CASZ1: variants seen among roughly 807,000 people sequenced by gnomAD.
CASZ1 encodes zinc finger protein castor homolog 1.
A neutral mutation model predicts 135.2 loss-of-function variants in CASZ1; 28 were observed. The observed-to-expected ratio is 0.21, with a 90% CI of 0.15 to 0.28. The LOEUF (loss-of-function observed/expected upper bound fraction) is 0.28, where lower values mean the gene tolerates loss of function less well. Ranked by LOEUF, CASZ1 falls within the 10% of genes least tolerant of loss-of-function variation. The pLI is 1.00. For missense variants in CASZ1, 2,161 were observed against 2,453.3 expected, an observed-to-expected ratio of 0.88 and a Z score of 2.52; for synonymous variants, 1,068 against 1,073.4, an observed-to-expected ratio of 0.99 and a Z score of 0.10.
chr1:10,777,113 T>A lies in CASZ1; in HGVS notation c.-233-16256A>T, dbSNP rs1340462903. 6.6e-6 allele frequency among the ~76,000 whole-genome samples: 1 copy of A among 152,066 alleles called. No homozygotes were observed. Among genetic ancestry groups the A allele is most frequent in the Non-Finnish European group, 1.5e-5 (1 of 67,998 alleles). On this transcript the variant is annotated intron_variant, in intron 1 of 20. Transcript: ENST00000377022. This position sits in a 1 kb window ranked among gnomAD's most constrained non-coding sequence, Gnocchi z 4.4. ...GTAGGGCCTGCGGCACGAAGCAACC[T>A]CCCTCTGGGCCTCAGTTTCCCCACC...
chr1:10,708,416 T>A (rs116460167), intron 2 of CASZ1, among the ~76,000 whole-genome samples: 200 of 152,238 alleles, frequency 1.3e-3, no homozygotes, highest in Middle Eastern at 6.8e-3. Flanking sequence ...ACACCAGCAA[T>A]GTCTTGGGTA....
chr1:10,760,520 C>T (rs1570569253), intron 2 of CASZ1, among the ~76,000 whole-genome samples, 181 bp downstream of exon 2: 1 of 152,384 alleles, frequency 6.6e-6, no homozygotes, highest in Admixed American at 6.5e-5. Flanking sequence ...CAGGCCAGAG[C>T]TTTCTTCTCC....
Position 10,756,333 on chromosome 1 carries a change from G to A in CASZ1, c.-77+4368C>T, listed in dbSNP as rs963644665. Among the ~76,000 whole-genome samples, 2 of 150,576 alleles carry A rather than the reference G, an allele frequency of 1.3e-5. No homozygotes were observed. Among genetic ancestry groups the A allele is most frequent in the African/African-American group, 2.4e-5 (1 of 40,978 alleles). On this transcript the variant is annotated intron_variant, in intron 2 of 20. Transcript: ENST00000377022. The surrounding 1 kb of genome is among the most constrained non-coding windows in gnomAD (Gnocchi z 5.9). The stretch of plus-strand genomic sequence containing the variant: ...ACCCTCGCCCCCGCAAGACATCACC[G>A]GCCCTCCCTTCCTGTCACCTCCATG...
chr1:10,713,590 A>T (rs1639325481), intron 2 of CASZ1, among the ~76,000 whole-genome samples: 1 of 152,200 alleles, frequency 6.6e-6, no homozygotes, highest in South Asian at 2.1e-4. Flanking sequence ...GCCATCCTGG[A>T]CTGGAGGCTC....
chr1:10,688,731 T>C (rs892053594), intron 4 of CASZ1, among the ~76,000 whole-genome samples: 2 of 152,128 alleles, frequency 1.3e-5, no homozygotes, highest in African/African-American at 4.8e-5. Context: ...GTCGAGGGTG[T>C]CAGGGTGCTG....
intron 2 of CASZ1, among the ~76,000 whole-genome samples, chr1:10,754,408 A>G (rs994262523): frequency 6.6e-6 from 1 of 152,158 alleles, no homozygotes; most frequent in Non-Finnish European, 1.5e-5. Context: ...GGAAATGGAA[A>G]ATGAATAGCC....
At chr1:10,729,923 C>T (rs982619099) in intron 2 of CASZ1, among the ~76,000 whole-genome samples, 2 of 151,770 alleles carry the variant, frequency 1.3e-5, no homozygotes, top group Non-Finnish European at 2.9e-5. Context: ...TTAAGCAATT[C>T]TCTGCCTTAG....
rs1008185298 is a variant in CASZ1, at chr1:10,667,977, TC to T, written c.17-2407del. ...CCCAGGCCCCTTTGCTCCTGCCGACTCCCCCGGCACCTGCCCTCCAGCTGCC... is the reference window on the plus strand; with the variant it reads ...CCCAGGCCCCTTTGCTCCTGCCGACTCCCCGGCACCTGCCCTCCAGCTGCC... On this transcript the variant is annotated intron_variant, in intron 4 of 20. Coordinates refer to ENST00000377022, the MANE Select transcript of CASZ1 (RefSeq NM_001079843.3). Among the ~76,000 whole-genome samples the T allele has an allele frequency of 4.0e-5, 6 of 151,666 alleles. No homozygotes were observed. The South Asian group carries it at 1.0e-3, about 26-fold the overall frequency.
intron 4 of CASZ1, among the ~76,000 whole-genome samples, chr1:10,680,476 C>A (rs1638378718): frequency 6.6e-6 from 1 of 152,196 alleles, no homozygotes. Context: ...ATATCCTGAG[C>A]AGCTACTGGC....
In CASZ1 at chr1:10,643,190, C is replaced by T; in HGVS notation, c.3990G>A (p.Gly1330=). ...AGGGGGGCACGCGGTCGAAGTTCTT[C>T]CCCAGCATCCTCCGCATGTGCTTCC... ...HARKHMRRML[G]KNFDRVPPSQ... is the part of the protein sequence containing the mutation. Residue 1330 remains glycine, a synonymous_variant, in exon 19 of 21, where the codon GGG becomes GGA. Transcript: ENST00000377022. 1 of 1,612,218 alleles carries T rather than the reference C, an allele frequency of 6.2e-7. No individual in the cohort carries two copies. Among genetic ancestry groups the T allele is most frequent in the South Asian group, 1.1e-5 (1 of 91,014 alleles).
chr1:10,742,730 T>TCTCATCACTTTGGAAGGCTGAGGCAGG (rs1639947873), intron 2 of CASZ1, among the ~76,000 whole-genome samples: 1 of 152,148 alleles, frequency 6.6e-6, no homozygotes, highest in Non-Finnish European at 1.5e-5. Context: ...ATGCCTGTAA[T>TCTCATCACTTTGGAAGGCTGAGGCAGG]CTCATCACTT....
In CASZ1 at chr1:10,709,876, G is replaced by C. The variant is rs1247241536; in HGVS notation, c.-76-4332C>G. Among the ~76,000 whole-genome samples the C allele has an allele frequency of 6.6e-6, 1 of 152,206 alleles. No homozygotes were observed. Among genetic ancestry groups the C allele is most frequent in the African/African-American group, 2.4e-5 (1 of 41,462 alleles). ...GCCGGCGGCCCGCACAGGCCAGCAG[G>C]TGCCCGATCGAGACAGAGGCCTCGG... On this transcript the variant is annotated intron_variant, in intron 2 of 20. Transcript: ENST00000377022. This position sits in a 1 kb window ranked among gnomAD's most constrained non-coding sequence, Gnocchi z 5.1.
chr1:10,665,630 C>T (rs1643212060), intron 4 of CASZ1, 59 bp from the exon 5 acceptor site: 6 of 1,466,108 alleles, frequency 4.1e-6, no homozygotes, highest in Non-Finnish European at 5.4e-6. Context: ...AACAACCCAC[C>T]CTCCCGAACA....
chr1:10,636,836 C>CTCTCTATATA lies in CASZ1; in HGVS notation c.*2096_*2105dup, dbSNP rs764301559. On this transcript the variant is annotated 3_prime_UTR_variant, in exon 21 of 21. Transcript: ENST00000377022. ...TTCTGTATTTTTTTTGTCTCAAAACCTCTCTATATATCTCTATATATCTAT... is the reference window on the plus strand; with the variant it reads ...TTCTGTATTTTTTTTGTCTCAAAACCTCTCTATATATCTCTATATATCTCTATATATCTAT... The CTCTCTATATA allele has an allele frequency of 6.6e-6, 1 of 151,894 alleles. No homozygotes were observed. The highest frequency in any genetic ancestry group is 1.5e-5 in the Non-Finnish European group (1 of 67,954). 9.4% of individuals were successfully genotyped at this position (151,894 alleles called of 1,614,324 possible).
chr1:10,794,718 CT>C lies in CASZ1; in HGVS notation c.-234+1845del, dbSNP rs141259286. On this transcript the variant is annotated intron_variant, in intron 1 of 20. Coordinates refer to ENST00000377022, the MANE Select transcript of CASZ1 (RefSeq NM_001079843.3). This position sits in a 1 kb window ranked among gnomAD's most constrained non-coding sequence, Gnocchi z 5.6. Reference sequence around the variant, plus strand: ...GTCGGGGATGACTTGGAAGAAGAATCTGCGCCCACCCCTTAGAGAAAAATCT... The same window carrying C: ...GTCGGGGATGACTTGGAAGAAGAATCGCGCCCACCCCTTAGAGAAAAATCT... 0.014 allele frequency among the ~76,000 whole-genome samples: 2,154 copies of C among 152,350 alleles called. 60 individuals carry two copies. The highest frequency in any genetic ancestry group is 0.048 in the African/African-American group (2,000 of 41,584).
Position 10,699,841 on chromosome 1 carries a change from T to G in CASZ1, c.-24+5651A>C, listed in dbSNP as rs1639019762. Among the ~76,000 whole-genome samples, 1 of 152,018 alleles carries G rather than the reference T, an allele frequency of 6.6e-6. No homozygotes were observed. Among genetic ancestry groups the G allele is most frequent in the South Asian group, 2.1e-4 (1 of 4,816 alleles). On this transcript the variant is annotated intron_variant, in intron 3 of 20. Coordinates refer to ENST00000377022, the MANE Select transcript of CASZ1 (RefSeq NM_001079843.3). The surrounding 1 kb of genome is among the most constrained non-coding windows in gnomAD (Gnocchi z 4.6). ...ACGGTTTCACATTAATTTCCCAGTT[T>G]TTGTGAGTTCAAGAGTGTGGCCACA...
intron 4 of CASZ1, among the ~76,000 whole-genome samples, chr1:10,683,257 A>G (rs1293920964): frequency 6.6e-6 from 1 of 152,042 alleles, no homozygotes; most frequent in Non-Finnish European, 1.5e-5. Context: ...GGCAGCACAA[A>G]TCTTCCCCAC....
At chr1:10,789,984 GA>G (rs1347912837) in intron 1 of CASZ1, among the ~76,000 whole-genome samples, 1 of 152,086 alleles carries the variant, frequency 6.6e-6, no homozygotes, top group Non-Finnish European at 1.5e-5. Context: ...AAGGGGGCCC[GA>G]GGTGGGGGTG....
At chr1:10,760,143 G>C (rs1640345659) in intron 2 of CASZ1, among the ~76,000 whole-genome samples, 1 of 152,158 alleles carries the variant, frequency 6.6e-6, no homozygotes, top group East Asian at 1.9e-4. Context: ...CTCTATGAAG[G>C]GTCCTATTTG....
Sources: gnomAD v4.1 joint callset for allele counts (sites outside exome capture counted in the v4.1 genomes callset) on GRCh38, gnomAD v4.1.1 for gene constraint, Gnocchi (gnomAD v3.1) non-coding constraint, MANE v1.5 for transcripts, NCBI Gene and HGNC (gene_info 2026-07-23, HGNC 2026-07-21) for gene names.